The following SLC35F1 variants were observed in gnomAD, a reference collection of about 807,000 sequenced individuals.
SLC35F1 encodes chromosome 6 open reading frame 169.
A neutral mutation model predicts 48.7 loss-of-function variants in SLC35F1; 14 were observed. That is an observed-to-expected ratio of 0.29 (90% confidence interval 0.19 to 0.45). The LOEUF is 0.45. Among genes scored for constraint, SLC35F1 ranks in the 20% least tolerant of loss-of-function variants. The pLI, the probability that SLC35F1 is intolerant of heterozygous loss-of-function variation, is 1.00. For missense variants in SLC35F1, 404 were observed against 500.0 expected (o/e 0.81, Z 1.83); for synonymous variants, 190 against 202.2 (o/e 0.94, Z 0.51).
intron 1 of SLC35F1, among the ~76,000 whole-genome samples, chr6:118,015,572 G>A (rs1386616227): frequency 4.6e-5 from 7 of 151,198 alleles, no homozygotes; most frequent in African/African-American, 1.2e-4. Context: ...CTTTGTTAAG[G>A]ATAATGGCCT....
intron 1 of SLC35F1, among the ~76,000 whole-genome samples, chr6:118,123,125 T>C (rs1372548243): frequency 1.3e-5 from 2 of 152,150 alleles, no homozygotes; most frequent in Non-Finnish European, 1.5e-5. Context: ...ATGTTCCTTG[T>C]ATTATGTTCC....
In SLC35F1 at chr6:117,907,814, C is replaced by T; in HGVS notation, c.88C>T (p.Pro30Ser). ...NHVVTTIENL[P>S]AEGSGGGGSL... ...TGTGGTGACCACCATCGAGAACCTGCCGGCCGAGGGCAGCGGCGGCGGCGG... is the reference window on the plus strand; with the variant it reads ...TGTGGTGACCACCATCGAGAACCTGTCGGCCGAGGGCAGCGGCGGCGGCGG... The change falls in exon 1 of 8, where the codon CCG (proline) becomes TCG (serine). Residue 30 changes from proline to serine, a missense_variant. Pro to Ser is a moderately conservative substitution (Grantham distance 74, BLOSUM62 -1). This residue lies in a region of SLC35F1 where 98 missense variants were observed against 81.0 expected (regional missense o/e 1.21). Coordinates refer to ENST00000360388, the MANE Select transcript of SLC35F1 (RefSeq NM_001029858.4). 1.3e-6 allele frequency: 2 copies of T among 1,550,636 alleles called. No individual in the cohort carries two copies. The highest frequency in any genetic ancestry group is 2.6e-5 in the East Asian group (1 of 38,544).
chr6:118,159,920 A>C (rs1041897606), intron 2 of SLC35F1, among the ~76,000 whole-genome samples: 3 of 152,214 alleles, frequency 2.0e-5, no homozygotes, highest in Non-Finnish European at 4.4e-5. Flanking sequence ...AAATCATAAA[A>C]ACTTTAATAA....
intron 1 of SLC35F1, among the ~76,000 whole-genome samples, chr6:118,070,035 C>A (rs1359686693): frequency 6.8e-6 from 1 of 147,812 alleles, no homozygotes; most frequent in Non-Finnish European, 1.5e-5. Context: ...ACTCGGGAGG[C>A]TGAGGCAGGA....
chr6:118,082,427 T>C (rs574756378), intron 1 of SLC35F1, among the ~76,000 whole-genome samples: 11 of 152,294 alleles, frequency 7.2e-5, no homozygotes, highest in African/African-American at 2.4e-4. Flanking sequence ...CAAACAGGCC[T>C]GGAGTTTATC....
At chr6:117,923,853 T>TTACATATATGC (rs1190452488) in intron 1 of SLC35F1, among the ~76,000 whole-genome samples, 1 of 102,296 alleles carries the variant, frequency 9.8e-6, no homozygotes, top group South Asian at 2.4e-4. Context: ...TATATGCACA[T>TTACATATATGC]ATATATGTGT....
chr6:117,910,312 G>A (rs1157976408), intron 1 of SLC35F1, among the ~76,000 whole-genome samples: 2 of 152,222 alleles, frequency 1.3e-5, no homozygotes, highest in Non-Finnish European at 2.9e-5. Context: ...GAACCCTCAT[G>A]ATGTGTTGGA....
At chr6:118,303,487 T>C (rs1175601253) in intron 7 of SLC35F1, among the ~76,000 whole-genome samples, 9 of 152,214 alleles carry the variant, frequency 5.9e-5, no homozygotes, top group Admixed American at 2.0e-4. Context: ...CTACAAGATC[T>C]GAGACCTAGG....
rs57180277 is a variant in SLC35F1 at position 117,923,625 on chromosome 6, A to G, written c.173+15726A>G. Among the ~76,000 whole-genome samples the G allele has an allele frequency of 3.9e-4, 47 of 120,100 alleles. 10 individuals carry two copies. Among genetic ancestry groups the G allele is most frequent in the Admixed American group, 1.7e-3 (18 of 10,866 alleles). 78.8% of individuals were successfully genotyped at this position (120,100 alleles called of 152,430 possible). Reference sequence around the variant, plus strand: ...TATATATACATATACATATGTATATATACATATATGTACATATGTACATAT... The same window carrying G: ...TATATATACATATACATATGTATATGTACATATATGTACATATGTACATAT... On this transcript the variant is annotated intron_variant, in intron 1 of 7. Coordinates refer to ENST00000360388, the MANE Select transcript of SLC35F1 (RefSeq NM_001029858.4).
At chr6:118,014,168 G>A in intron 1 of SLC35F1, among the ~76,000 whole-genome samples, 1 of 152,026 alleles carries the variant, frequency 6.6e-6, no homozygotes, top group East Asian at 1.9e-4. Flanking sequence ...TACTTTGAAG[G>A]CACATAATCA....
chr6:118,265,242 G>A (rs930891021), intron 3 of SLC35F1, among the ~76,000 whole-genome samples: 1 of 152,198 alleles, frequency 6.6e-6, no homozygotes, highest in African/African-American at 2.4e-5. Context: ...TTGCAAATAC[G>A]CAAACCTTTT....
At chr6:118,153,784 C>A (rs1562307547) in intron 1 of SLC35F1, among the ~76,000 whole-genome samples, 1 of 152,208 alleles carries the variant, frequency 6.6e-6, no homozygotes, top group Non-Finnish European at 1.5e-5. Context: ...TCACGAATAG[C>A]AGTTTTAGTG....
chr6:118,086,177 T>G (rs546793663), intron 1 of SLC35F1, among the ~76,000 whole-genome samples: 10 of 152,226 alleles, frequency 6.6e-5, no homozygotes, highest in Non-Finnish European at 1.3e-4. Context: ...AAATTTCCCT[T>G]TCTTAAATTC....
chr6:117,923,782 T>C (rs12183760), intron 1 of SLC35F1, among the ~76,000 whole-genome samples: 1 of 78,678 alleles, frequency 1.3e-5, no homozygotes, highest in Non-Finnish European at 2.5e-5. Flanking sequence ...TATGTATATA[T>C]ACATATATGT....
chr6:118,106,379 C>T (rs957952572), intron 1 of SLC35F1, among the ~76,000 whole-genome samples: 1 of 152,188 alleles, frequency 6.6e-6, no homozygotes, highest in Non-Finnish European at 1.5e-5. Flanking sequence ...TTCTCATTTT[C>T]CTGATGGCAT....
intron 1 of SLC35F1, among the ~76,000 whole-genome samples, chr6:118,042,595 G>C (rs1772241037): frequency 6.6e-6 from 1 of 152,196 alleles, no homozygotes; most frequent in Non-Finnish European, 1.5e-5. Flanking sequence ...ATCTTGCCAA[G>C]GAGTTTGGAC....
At chr6:118,025,436 T>C (rs187681339) in intron 1 of SLC35F1, among the ~76,000 whole-genome samples, 129 of 152,312 alleles carry the variant, frequency 8.5e-4, no homozygotes, top group African/African-American at 2.8e-3. Context: ...CTTGATCACC[T>C]GGCTGAGATA....
chr6:118,070,991 C>CAT (rs1772701262), intron 1 of SLC35F1, among the ~76,000 whole-genome samples: 3 of 7,298 alleles, frequency 4.1e-4, no homozygotes, highest in African/African-American at 9.2e-4. Flanking sequence ...ATATATTCTA[C>CAT]GTGTGTGTAT....
rs77148562 is a variant in SLC35F1, at chr6:117,950,185, T to G, written c.173+42286T>G. On this transcript the variant is annotated intron_variant, in intron 1 of 7. Coordinates refer to ENST00000360388, the MANE Select transcript of SLC35F1 (RefSeq NM_001029858.4). ...GATATATTCCTCAAGATCTTTCACA[T>G]TCTTTCCTAGCAACGAGTTTGACTC... 2.0e-5 allele frequency among the ~76,000 whole-genome samples: 3 copies of G among 152,310 alleles called. No homozygotes were observed. The East Asian group carries it at 5.8e-4, about 29-fold the overall frequency.
Sources: allele counts gnomAD v4.1 joint callset (sites outside exome capture counted in the v4.1 genomes callset), GRCh38; gene constraint gnomAD v4.1.1; regional missense constraint gnomAD v4.1.1; transcripts MANE v1.5; gene names NCBI Gene and HGNC (gene_info 2026-07-23, HGNC 2026-07-21).